The following NECTIN4 variants were observed in gnomAD, a reference collection of about 807,000 sequenced individuals.
NECTIN4 encodes nectin-4.
NECTIN4 carries 19 observed loss-of-function variants against 51.7 expected under a neutral mutation model. The ratio of observed to expected loss-of-function variants is 0.37; its 90% CI spans 0.26 to 0.54. NECTIN4 has a LOEUF of 0.54. Among genes scored for constraint, NECTIN4 ranks in the 20% least tolerant of loss-of-function variants. The pLI, the probability that NECTIN4 is intolerant of heterozygous loss-of-function variation, is 0.86. For missense variants in NECTIN4, 619 were observed against 662.4 expected, an observed-to-expected ratio of 0.93 and a Z score of 0.72; for synonymous variants, 283 against 286.9, an observed-to-expected ratio of 0.99 and a Z score of 0.14.
rs750926601 is a variant in NECTIN4, at chr1:161,079,707, G to C, written c.322C>G (p.Leu108Val). 1 of 1,608,910 alleles carries C rather than the reference G, an allele frequency of 6.2e-7. No individual in the cohort carries two copies. Among genetic ancestry groups the C allele is most frequent in the Admixed American group, 1.7e-5 (1 of 60,004 alleles). The change falls in exon 2 of 9, where the codon CTG (leucine) becomes GTG (valine). Residue 108 changes from leucine to valine, a missense_variant. This residue lies in a region of NECTIN4 where 218 missense variants were observed against 186.3 expected (regional missense o/e 1.17). Coordinates refer to ENST00000368012, the MANE Select transcript of NECTIN4 (RefSeq NM_030916.3). The stretch of plus-strand genomic sequence containing the variant: ...TTGCGCAGGAGCACTGAGCCGTCCA[G>C]GGGGTTGCGTGGGGGCGGCGGCTGC... ...VEQPPPPRNP[L>V]DGSVLLRNAV...
At chr1:161,083,803 G>A (rs1262365275) in intron 1 of NECTIN4, among the ~76,000 whole-genome samples, 1 of 152,158 alleles carries the variant, frequency 6.6e-6, no homozygotes, top group Non-Finnish European at 1.5e-5. Flanking sequence ...TGTGTACCCC[G>A]CCCGCTCCCA....
chr1:161,078,049 A>C (rs1410264915), intron 2 of NECTIN4, among the ~76,000 whole-genome samples: 1 of 152,192 alleles, frequency 6.6e-6, no homozygotes, highest in Non-Finnish European at 1.5e-5. Flanking sequence ...TGTGTCAACT[A>C]TTATGCTAAA....
chr1:161,077,908 C>A lies in NECTIN4; in HGVS notation c.440-165G>T, dbSNP rs1317352089. 3.3e-5 allele frequency among the ~76,000 whole-genome samples: 5 copies of A among 152,070 alleles called. No individual in the cohort carries two copies. In the East Asian group the frequency reaches 9.6e-4, roughly 29 times the overall value. On this transcript the variant is annotated intron_variant, in intron 2 of 8. Coordinates refer to ENST00000368012, the MANE Select transcript of NECTIN4 (RefSeq NM_030916.3). ...GGTAGAAATTCAGGTGACTTTGTAT[C>A]CTTCTCTACTGTGCGAATTTTTTAC...
chr1:161,079,489 T>C (rs1208557497), intron 2 of NECTIN4, 101 bp downstream of exon 2: 6 of 1,484,584 alleles, frequency 4.0e-6, no homozygotes, highest in Non-Finnish European at 5.5e-6. Context: ...CCCCACTTTT[T>C]ATTCCTGTTC....
In NECTIN4 at chr1:161,076,399, C is replaced by T. The variant is rs532581380; in HGVS notation, c.807G>A (p.Lys269=). The T allele has an allele frequency of 2.6e-5, 42 of 1,614,174 alleles. 1 individual carries two copies. The East Asian group carries it at 7.8e-4, about 30-fold the overall frequency. ...GAGGGGGCTGCCCTTCACTCAGGCA[C>T]TTGAGCATAGCTCCTTCTCTGCCAA... The part of the protein sequence containing the change: ...WHIGREGAML[K]CLSEGQPPPS... The change falls in exon 4 of 9, where the codon AAG becomes AAA. Residue 269 remains lysine (K), a synonymous_variant. Coordinates refer to ENST00000368012, the MANE Select transcript of NECTIN4 (RefSeq NM_030916.3).
intron 7 of NECTIN4, 109 bp from the exon 8 acceptor site, chr1:161,073,408 C>T: frequency 1.1e-6 from 1 of 881,962 alleles, no homozygotes; most frequent in Non-Finnish European, 1.8e-6. Context: ...GTCCCCCAAC[C>T]CAACAGGTCC....
In NECTIN4 at chr1:161,089,306, G is replaced by A; in HGVS notation, c.-10C>T. On this transcript the variant is annotated 5_prime_UTR_variant, in exon 1 of 9. Transcript: ENST00000368012. This position sits in a 1 kb window ranked among gnomAD's most constrained non-coding sequence, Gnocchi z 4.1. ...CCAGGGACAGGGGCATGGTTGAAAG[G>A]CAGACTGCCCAGCGTTTCTGAAGTT... is the stretch of plus-strand genomic sequence containing the variant. 1 of 1,607,564 alleles carries A rather than the reference G, an allele frequency of 6.2e-7. No individual in the cohort carries two copies.
chr1:161,072,913 A>G (rs1653242476), intron 8 of NECTIN4, 28 bp from the exon 9 acceptor site: 1 of 1,590,208 alleles, frequency 6.3e-7, no homozygotes, highest in Non-Finnish European at 8.6e-7. Context: ...AGGGCAAGTC[A>G]GGAACAAAGG....
chr1:161,082,719 T>C (rs1653743348), intron 1 of NECTIN4, among the ~76,000 whole-genome samples: 2 of 151,702 alleles, frequency 1.3e-5, no homozygotes, highest in African/African-American at 4.9e-5. Context: ...AGCCTGGGAG[T>C]CCAGCTAACC....
chr1:161,076,552 AC>A (rs1009093097), intron 3 of NECTIN4, 77 bp from the exon 4 acceptor site: 2 of 1,573,426 alleles, frequency 1.3e-6, no homozygotes, highest in Non-Finnish European at 1.7e-6. Context: ...CCCTGCCCCC[AC>A]CCCACCCTGC....
At chr1:161,086,552 C>T (rs1024422366) in intron 1 of NECTIN4, among the ~76,000 whole-genome samples, 8 of 152,220 alleles carry the variant, frequency 5.3e-5, no homozygotes, top group Non-Finnish European at 7.3e-5. Flanking sequence ...CTGCAGGGCT[C>T]CTGAACCCGA....
In NECTIN4 at chr1:161,079,767, G is replaced by C. The variant is rs752832816; in HGVS notation, c.262C>G (p.Leu88Val). ...CCCTCGTAAGCCGGGCTCACATGAAGCCCGTATTTGGAGTGCAGTAGCGCT... is the reference window on the plus strand; with the variant it reads ...CCCTCGTAAGCCGGGCTCACATGAACCCCGTATTTGGAGTGCAGTAGCGCT... ...ELALLHSKYGLHVSPAYEGRV... is the reference protein window; with the variant it reads ...ELALLHSKYGVHVSPAYEGRV... Residue 88 changes from leucine (L) to valine (V), a missense_variant, in exon 2 of 9, where the codon CTT becomes GTT. Leu to Val is a conservative substitution (Grantham distance 32). Coordinates refer to ENST00000368012, the MANE Select transcript of NECTIN4 (RefSeq NM_030916.3). 1 of 1,612,508 alleles carries C rather than the reference G, an allele frequency of 6.2e-7. No individual in the cohort carries two copies. Among genetic ancestry groups the C allele is most frequent in the Non-Finnish European group, 8.5e-7 (1 of 1,179,966 alleles).
chr1:161,084,744 C>A (rs1653849944), intron 1 of NECTIN4: 1 of 152,398 alleles, frequency 6.6e-6, no homozygotes, highest in African/African-American at 2.4e-5. Context: ...GGAGGCCTCT[C>A]CCTGGGAATC....
intron 1 of NECTIN4, among the ~76,000 whole-genome samples, chr1:161,088,349 C>G (rs113165282): frequency 0.013 from 1,904 of 152,172 alleles, 32 homozygotes; most frequent in African/African-American, 0.041. Context: ...CCTAGGAACA[C>G]CCTATGGAAT....
In NECTIN4 at chr1:161,074,638, C is replaced by A. The variant is rs776130806; in HGVS notation, c.973G>T (p.Asp325Tyr). 1 of 1,614,248 alleles carries A rather than the reference C, an allele frequency of 6.2e-7. No homozygotes were observed. Among genetic ancestry groups the A allele is most frequent in the Admixed American group, 1.7e-5 (1 of 60,032 alleles). The change falls in exon 5 of 9, where the codon GAT (aspartate) becomes TAT (tyrosine). Residue 325 changes from aspartate (D) to tyrosine (Y), a missense_variant. This residue lies in a region of NECTIN4 where 364 missense variants were observed against 415.7 expected (regional missense o/e 0.88). Coordinates refer to ENST00000368012, the MANE Select transcript of NECTIN4 (RefSeq NM_030916.3). ...AGAACATCCACAGTGACCTGAGAAT[C>A]CCTTGAGGAGAACTCATTGCTGACA... ...CHVSNEFSSR[D>Y]SQVTVDVLDP...
Position 161,079,757 on chromosome 1 carries a change from C to T in NECTIN4, c.272G>A (p.Ser91Asn), listed in dbSNP as rs1653588146. 3 of 1,611,938 alleles carry T rather than the reference C, an allele frequency of 1.9e-6. No individual in the cohort carries two copies. Among genetic ancestry groups the T allele is most frequent in the African/African-American group, 1.3e-5 (1 of 74,950 alleles). The change falls in exon 2 of 9, where the codon AGC (serine) becomes AAC (asparagine). Residue 91 changes from serine (S) to asparagine (N), a missense_variant. Physicochemically the swap from Ser to Asn is conservative, Grantham distance 46. Coordinates refer to ENST00000368012, the MANE Select transcript of NECTIN4 (RefSeq NM_030916.3). ...LLHSKYGLHV[S>N]PAYEGRVEQP... ...CTCCACGCGGCCCTCGTAAGCCGGG[C>T]TCACATGAAGCCCGTATTTGGAGTG... is the stretch of plus-strand genomic sequence containing the variant.
chr1:161,087,382 T>G (rs1232446231), intron 1 of NECTIN4: 2 of 151,950 alleles, frequency 1.3e-5, no homozygotes, highest in Non-Finnish European at 2.9e-5. Flanking sequence ...GCATGAGGTC[T>G]AACTAGAAGG....
At chr1:161,076,318 G>A (rs1653411960) in intron 4 of NECTIN4, 37 bp downstream of exon 4, 1 of 1,613,292 alleles carries the variant, frequency 6.2e-7, no homozygotes, top group Non-Finnish European at 8.5e-7. Context: ...GAGGAACCTA[G>A]TCTCAAGTTA....
intron 7 of NECTIN4, 86 bp downstream of exon 7, chr1:161,073,634 G>A: frequency 8.5e-7 from 1 of 1,170,864 alleles, no homozygotes; most frequent in Non-Finnish European, 1.3e-6. Flanking sequence ...AGAGAGCTGT[G>A]CTCCTGGTCT....
Sources: gnomAD v4.1 joint callset for allele counts (sites outside exome capture counted in the v4.1 genomes callset) on GRCh38, gnomAD v4.1.1 for gene constraint, gnomAD v4.1.1 regional missense constraint, Gnocchi (gnomAD v3.1) non-coding constraint, MANE v1.5 for transcripts, NCBI Gene and HGNC (gene_info 2026-07-23, HGNC 2026-07-21) for gene names.